Variants in PGS1 observed in about 807,000 individuals in gnomAD.
PGS1 encodes phosphatidylglycerophosphate synthase 1, also known as CDP-diacylglycerol--glycerol-3-phosphate 3-phosphatidyltransferase, mitochondrial.
Under a neutral mutation model 58.3 loss-of-function variants are expected in PGS1, and 44 were observed. That is an observed-to-expected ratio of 0.75 (90% CI 0.59 to 0.97). The LOEUF is 0.97. Ranked by LOEUF, PGS1 falls within the 50% of genes least tolerant of loss-of-function variation. PGS1 has a pLI of 0.00. For synonymous variants in PGS1, 330 were observed against 311.0 expected (o/e 1.06, Z -0.64); for missense variants, 684 against 731.1 (o/e 0.94, Z 0.74).
chr17:78,403,500 C>T (rs1002882197), intron 6 of PGS1, 68 bp from the exon 7 acceptor site: 2 of 1,509,208 alleles, frequency 1.3e-6, no homozygotes, highest in Non-Finnish European at 1.8e-6. Flanking sequence ...ATGCCCTGTC[C>T]CCTGAGCTGG....
At chr17:78,422,817 C>G (rs78997948) in intron 9 of PGS1, among the ~76,000 whole-genome samples, 16 of 152,228 alleles carry the variant, frequency 1.1e-4, no homozygotes, top group Middle Eastern at 3.4e-3. Flanking sequence ...TGTTGAGGGC[C>G]GGGCACAGTG....
At chr17:78,398,114 T>C (rs2292645) in intron 3 of PGS1, 138 bp from the exon 4 acceptor site, 166,183 of 750,078 alleles carry the variant, frequency 0.22, 19,073 homozygotes, top group East Asian at 0.25. Context: ...TTTGTGGTGT[T>C]GGTGTCCGAG....
At chr17:78,394,272 C>A (rs941109219) in intron 2 of PGS1, among the ~76,000 whole-genome samples, 1 of 151,720 alleles carries the variant, frequency 6.6e-6, no homozygotes, top group African/African-American at 2.4e-5. Context: ...GTAGAGACTC[C>A]CCTTTCACCT....
At chr17:78,416,625 C>G (rs1326170752) in intron 8 of PGS1, among the ~76,000 whole-genome samples, 1 of 152,242 alleles carries the variant, frequency 6.6e-6, no homozygotes, top group African/African-American at 2.4e-5. Flanking sequence ...TCTCAAATGA[C>G]ATATTTGGGA....
chr17:78,402,514 C>A (rs577181101), intron 6 of PGS1, among the ~76,000 whole-genome samples: 1 of 152,230 alleles, frequency 6.6e-6, no homozygotes, highest in East Asian at 1.9e-4. Flanking sequence ...GTGGCACGAT[C>A]TCAGCTCACT....
In PGS1 at chr17:78,400,428, C is replaced by G. The variant is rs921370067; in HGVS notation, c.702-249C>G. Among the ~76,000 whole-genome samples, 1 of 151,818 alleles carries G rather than the reference C, an allele frequency of 6.6e-6. No homozygotes were observed. The highest frequency in any genetic ancestry group is 3.2e-3 in the Middle Eastern group (1 of 310). On this transcript the variant is annotated intron_variant, in intron 5 of 9. Coordinates refer to ENST00000262764, the MANE Select transcript of PGS1 (RefSeq NM_024419.5). The surrounding 1 kb of genome is among the most constrained non-coding windows in gnomAD (Gnocchi z 4.4). ...GTGGTTAGTTGACTTTCTGTGTCTG[C>G]ATCTCCTCTTCTCAGCTACACTGTC...
chr17:78,386,972 A>ATGATGATGG (rs796305031), intron 1 of PGS1, among the ~76,000 whole-genome samples: 19 of 122,334 alleles, frequency 1.6e-4, no homozygotes, highest in African/African-American at 3.0e-4. Context: ...GATGATGATG[A>ATGATGATGG]TGATGATGGT....
chr17:78,408,766 G>A (rs893222135), intron 7 of PGS1, among the ~76,000 whole-genome samples: 1 of 152,234 alleles, frequency 6.6e-6, no homozygotes, highest in Non-Finnish European at 1.5e-5. Flanking sequence ...CAGGCAGGTG[G>A]CAGTTCCTCT....
intron 9 of PGS1, among the ~76,000 whole-genome samples, chr17:78,422,261 G>T (rs1186491647): frequency 6.6e-6 from 1 of 152,032 alleles, no homozygotes; most frequent in African/African-American, 2.4e-5. Context: ...GGCTGAAACT[G>T]CTTCCCTTCT....
At chr17:78,389,099 C>G (rs1405466296) in intron 1 of PGS1, among the ~76,000 whole-genome samples, 4 of 124,206 alleles carry the variant, frequency 3.2e-5, no homozygotes, top group Non-Finnish European at 6.3e-5. Context: ...GTCTTCCTCT[C>G]TCACCCAGGT....
In PGS1 at chr17:78,424,171, C is replaced by A; in HGVS notation, c.*121C>A. The A allele has an allele frequency of 6.3e-7, 1 of 1,598,210 alleles. No homozygotes were observed. Among genetic ancestry groups the A allele is most frequent in the Non-Finnish European group, 8.5e-7 (1 of 1,172,526 alleles). ...GCGAGCCCCTGCAGGGACAGTATGG[C>A]TGAGGGTCAGGTGTGCTGCCAGTAA... On this transcript the variant is annotated 3_prime_UTR_variant, in exon 10 of 10. Coordinates refer to ENST00000262764, the MANE Select transcript of PGS1 (RefSeq NM_024419.5).
At chr17:78,399,119 G>A (rs190858401) in intron 4 of PGS1, among the ~76,000 whole-genome samples, 1 of 152,362 alleles carries the variant, frequency 6.6e-6, no homozygotes, top group Non-Finnish European at 1.5e-5. Flanking sequence ...GTGCTGTGTG[G>A]CAAGAAGAGC....
At chr17:78,381,179 G>T (rs568807021) in intron 1 of PGS1, among the ~76,000 whole-genome samples, 7 of 152,226 alleles carry the variant, frequency 4.6e-5, no homozygotes, top group African/African-American at 1.7e-4. Context: ...GGGGCAGTGT[G>T]GCAGTGGAGA....
intron 6 of PGS1, among the ~76,000 whole-genome samples, 200 bp from the exon 7 acceptor site, chr17:78,403,368 C>T (rs559953285): frequency 6.6e-6 from 1 of 152,174 alleles, no homozygotes; most frequent in African/African-American, 2.4e-5. Flanking sequence ...CTACTGTGGA[C>T]CAGGCCCTTG....
intron 1 of PGS1, among the ~76,000 whole-genome samples, chr17:78,384,468 C>G (rs772411909): frequency 5.3e-5 from 8 of 152,238 alleles, no homozygotes; most frequent in Admixed American, 5.2e-4. Flanking sequence ...GTGAGTTGTT[C>G]TCAAAAAGTA....
chr17:78,401,792 G>T (rs1203327842), intron 6 of PGS1, among the ~76,000 whole-genome samples: 1 of 152,220 alleles, frequency 6.6e-6, no homozygotes, highest in Non-Finnish European at 1.5e-5. Flanking sequence ...GTGGAGCTCT[G>T]TATCTCTCTT....
intron 7 of PGS1, among the ~76,000 whole-genome samples, chr17:78,408,247 T>C (rs1293391426): frequency 1.3e-5 from 2 of 152,188 alleles, no homozygotes; most frequent in East Asian, 1.9e-4. Context: ...TTCATTCTTA[T>C]TTGGATTTTT....
intron 1 of PGS1, among the ~76,000 whole-genome samples, chr17:78,382,026 G>T (rs1218659542): frequency 6.6e-6 from 1 of 152,198 alleles, no homozygotes; most frequent in Non-Finnish European, 1.5e-5. Context: ...GGTCATGGCA[G>T]TACCTTGGAG....
At chr17:78,390,377 G>A (rs2082739608) in intron 1 of PGS1, among the ~76,000 whole-genome samples, 1 of 152,086 alleles carries the variant, frequency 6.6e-6, no homozygotes, top group Non-Finnish European at 1.5e-5. Flanking sequence ...ACGGCCAGTC[G>A]CAGACTTCCA....
Sources: allele counts gnomAD v4.1 joint callset (sites outside exome capture counted in the v4.1 genomes callset), GRCh38; gene constraint gnomAD v4.1.1; non-coding constraint Gnocchi (gnomAD v3.1); transcripts MANE v1.5; gene names NCBI Gene and HGNC (gene_info 2026-07-23, HGNC 2026-07-21).